Variants in SLCO3A1 observed in about 807,000 individuals in gnomAD.
SLCO3A1 encodes the protein PGE1 transporter.
SLCO3A1 carries 27 observed loss-of-function variants against 63.1 expected under a neutral mutation model. The observed-to-expected ratio is 0.43, with a 90% confidence interval of 0.32 to 0.59. The LOEUF (loss-of-function observed/expected upper bound fraction) is 0.59. SLCO3A1 is among the 20% of genes least tolerant of loss of function. SLCO3A1 has a pLI of 0.09. For synonymous variants in SLCO3A1, 473 were observed against 409.9 expected (o/e 1.15, Z -1.86); for missense variants, 773 against 945.8 (o/e 0.82, Z 2.40).
rs1897072429 is a variant in SLCO3A1 at position 91,862,517 on chromosome 15, G to A, written c.180+8429G>A. Among the ~76,000 whole-genome samples, 3 of 152,240 alleles carry A rather than the reference G, an allele frequency of 2.0e-5. No individual in the cohort carries two copies. Among genetic ancestry groups the A allele is most frequent in the South Asian group, 4.1e-4 (2 of 4,828 alleles). On this transcript the variant is annotated intron_variant, in intron 1 of 9. Transcript: ENST00000318445. The surrounding 1 kb of genome is among the most constrained non-coding windows in gnomAD (Gnocchi z 4.0). ...GTGATGGGACTACCACATTTGTTCTGCCAGGTTGTCCTTTGGGACAACTTT... is the reference window on the plus strand; with the variant it reads ...GTGATGGGACTACCACATTTGTTCTACCAGGTTGTCCTTTGGGACAACTTT...
At chr15:91,920,683 AC>A (rs778850607) in intron 2 of SLCO3A1, among the ~76,000 whole-genome samples, 3 of 152,026 alleles carry the variant, frequency 2.0e-5, no homozygotes, top group Non-Finnish European at 4.4e-5. Flanking sequence ...TGTTTTTTGA[AC>A]CGCAGTAACC....
At chr15:91,975,760 A>G (rs1318916185) in intron 2 of SLCO3A1, among the ~76,000 whole-genome samples, 1 of 152,202 alleles carries the variant, frequency 6.6e-6, no homozygotes, top group African/African-American at 2.4e-5. Context: ...ATTGCCCCTT[A>G]CAGCCACCCA....
intron 2 of SLCO3A1, among the ~76,000 whole-genome samples, chr15:91,980,906 G>C (rs910935469): frequency 6.6e-6 from 1 of 152,214 alleles, no homozygotes; most frequent in Non-Finnish European, 1.5e-5. Flanking sequence ...TTGGGTCCAG[G>C]TGACCATAAT....
intron 2 of SLCO3A1, among the ~76,000 whole-genome samples, chr15:92,065,783 G>A (rs2047143844): frequency 6.6e-6 from 1 of 152,152 alleles, no homozygotes; most frequent in Non-Finnish European, 1.5e-5. Context: ...ACATTTTACA[G>A]AGTTGCACAA....
At chr15:92,147,933 T>A (rs1596146298) in intron 8 of SLCO3A1, among the ~76,000 whole-genome samples, 1 of 152,304 alleles carries the variant, frequency 6.6e-6, no homozygotes, top group East Asian at 1.9e-4. Flanking sequence ...CAAAGACTCA[T>A]CAGCTGGGCA....
Position 92,014,821 on chromosome 15 carries a change from G to A in SLCO3A1, c.647-80060G>A, listed in dbSNP as rs374339497. 7.2e-5 allele frequency among the ~76,000 whole-genome samples: 11 copies of A among 152,224 alleles called. No individual in the cohort carries two copies. In the South Asian group the frequency reaches 2.1e-3, roughly 29 times the overall value. ...GTCCCAAGCATTCTGGGAACTCAGC[G>A]TCATGGCTTGGCAAGGAGACAGAGT... On this transcript the variant is annotated intron_variant, in intron 2 of 9. Transcript: ENST00000318445.
chr15:91,932,193 C>A (rs1435180729), intron 2 of SLCO3A1, among the ~76,000 whole-genome samples: 1 of 152,116 alleles, frequency 6.6e-6, no homozygotes, highest in Non-Finnish European at 1.5e-5. Flanking sequence ...CCTAGTAGGT[C>A]AGTGATGAGA....
intron 2 of SLCO3A1, among the ~76,000 whole-genome samples, chr15:91,935,617 CTT>C (rs2151393636): frequency 6.6e-6 from 1 of 152,268 alleles, no homozygotes; most frequent in East Asian, 1.9e-4. Flanking sequence ...TTTTTCCTCT[CTT>C]CTGAATTTTC....
intron 2 of SLCO3A1, among the ~76,000 whole-genome samples, chr15:91,928,867 G>C (rs187787049): frequency 6.6e-6 from 1 of 152,194 alleles, no homozygotes; most frequent in African/African-American, 2.4e-5. Context: ...TTCAGGCCTG[G>C]CAGCATTTAA....
intron 2 of SLCO3A1, among the ~76,000 whole-genome samples, chr15:91,963,335 C>T (rs1314464634): frequency 7.2e-6 from 1 of 139,000 alleles, no homozygotes; most frequent in African/African-American, 2.7e-5. Context: ...ATTATGGAGG[C>T]TACCCTGTTC....
chr15:92,051,291 A>T (rs1226145942), intron 2 of SLCO3A1, among the ~76,000 whole-genome samples: 6 of 152,146 alleles, frequency 3.9e-5, no homozygotes, highest in African/African-American at 1.4e-4. Context: ...AGGCAACAGC[A>T]TGTGTGAGGG....
chr15:91,993,894 A>G (rs1308007023), intron 2 of SLCO3A1, among the ~76,000 whole-genome samples: 1 of 152,190 alleles, frequency 6.6e-6, no homozygotes, highest in East Asian at 1.9e-4. Flanking sequence ...AGGCTGTGGA[A>G]AGGACCGCAT....
intron 2 of SLCO3A1, among the ~76,000 whole-genome samples, chr15:92,081,057 A>G (rs1457413700): frequency 6.6e-6 from 1 of 151,542 alleles, no homozygotes; most frequent in Non-Finnish European, 1.5e-5. Context: ...TGGGGTATCC[A>G]TCATCACCTC....
In SLCO3A1 at chr15:92,108,766, A is replaced by G. The variant is rs138269354; in HGVS notation, c.1009+4224A>G. 1.5e-3 allele frequency among the ~76,000 whole-genome samples: 230 copies of G among 152,226 alleles called. 1 individual carries two copies. Among genetic ancestry groups the G allele is most frequent in the Non-Finnish European group, 2.6e-4 (18 of 68,016 alleles). ...TTGTTTGCTGCTATTTCTCCCTGGA[A>G]TGCCCTTCTTCCTTCAGTTCACTTC... On this transcript the variant is annotated intron_variant, in intron 4 of 9. Coordinates refer to ENST00000318445, the MANE Select transcript of SLCO3A1 (RefSeq NM_013272.4).
intron 2 of SLCO3A1, among the ~76,000 whole-genome samples, chr15:92,069,655 G>A (rs921941518): frequency 5.3e-5 from 8 of 152,282 alleles, no homozygotes; most frequent in South Asian, 4.2e-4. Context: ...CAGAATGAGA[G>A]CTGGACCTGC....
chr15:92,171,541 A>T, intron 10 of SLCO3A1: 1 of 485,066 alleles, frequency 2.1e-6, no homozygotes, highest in Non-Finnish European at 3.7e-6. Context: ...GGGGTTGGTC[A>T]TGTAGATAAA....
At chr15:91,879,387 G>A (rs1392354629) in intron 1 of SLCO3A1, among the ~76,000 whole-genome samples, 1 of 151,946 alleles carries the variant, frequency 6.6e-6, no homozygotes, top group Non-Finnish European at 1.5e-5. Context: ...CATTGGTGGG[G>A]GTGAGGGTTA....
At chr15:92,151,696 T>C (rs1358216685) in intron 9 of SLCO3A1, among the ~76,000 whole-genome samples, 1 of 152,246 alleles carries the variant, frequency 6.6e-6, no homozygotes, top group East Asian at 1.9e-4. Flanking sequence ...CGTTGCTTTA[T>C]GAGCATTCTT....
chr15:92,093,061 C>A (rs566145738), intron 2 of SLCO3A1, among the ~76,000 whole-genome samples: 1 of 152,302 alleles, frequency 6.6e-6, no homozygotes, highest in Non-Finnish European at 1.5e-5. Context: ...CATCAGACAT[C>A]TCCTATAAGC....
Sources: allele counts gnomAD v4.1 joint callset (sites outside exome capture counted in the v4.1 genomes callset), GRCh38; gene constraint gnomAD v4.1.1; non-coding constraint Gnocchi (gnomAD v3.1); transcripts MANE v1.5; gene names NCBI Gene and HGNC (gene_info 2026-07-23, HGNC 2026-07-21).